Variants in GLIPR1 observed in about 807,000 individuals in gnomAD.
The protein encoded by GLIPR1 is glioma pathogenesis-related protein 1.
GLIPR1 carries 38 observed loss-of-function variants against 30.3 expected under a neutral mutation model. The observed-to-expected ratio is 1.26, with a 90% CI of 0.97 to 1.65. GLIPR1 has a LOEUF of 1.65. GLIPR1 is among the 40% of genes most tolerant of loss of function. The pLI is 0.00. For missense variants in GLIPR1, 285 were observed against 326.5 expected, an observed-to-expected ratio of 0.87 and a Z score of 0.98; for synonymous variants, 122 against 110.6, an observed-to-expected ratio of 1.10 and a Z score of -0.65.
At chr12:75,495,484 A>T in intron 3 of GLIPR1, 93 bp from the exon 4 acceptor site, 1 of 692,588 alleles carries the variant, frequency 1.4e-6, no homozygotes, top group South Asian at 1.6e-5. Flanking sequence ...ACTTCACTCC[A>T]CTATTCTTCT....
At chr12:75,491,568 C>CCATTTTGTTTTAAGTA (rs2046324123) in intron 3 of GLIPR1, 1 of 152,078 alleles carries the variant, frequency 6.6e-6, no homozygotes, top group South Asian at 2.1e-4. Flanking sequence ...GTACATATTG[C>CCATTTTGTTTTAAGTA]CAAATTACAT....
intron 4 of GLIPR1, chr12:75,496,993 A>G (rs991097179): frequency 3.3e-5 from 5 of 152,220 alleles, no homozygotes; most frequent in African/African-American, 1.2e-4. Flanking sequence ...CAAGGTATCA[A>G]TGTATTCACT....
chr12:75,501,490 C>T lies in GLIPR1; in HGVS notation c.*2512C>T. 4.5e-6 allele frequency: 2 copies of T among 446,938 alleles called. No homozygotes were observed. The highest frequency in any genetic ancestry group is 7.9e-6 in the Non-Finnish European group (2 of 251,590). The allele number at this position is 446,938 out of a possible 1,614,324, so 27.7% of individuals were successfully genotyped here. On this transcript the variant is annotated 3_prime_UTR_variant, in exon 6 of 6. Transcript: ENST00000266659. Reference sequence around the variant, plus strand: ...TTCACAACAAAGAGTCTTTTCCAAGCACAGACCAGAGGTCAGGAGAGGACT... The same window carrying T: ...TTCACAACAAAGAGTCTTTTCCAAGTACAGACCAGAGGTCAGGAGAGGACT...
At chr12:75,487,373 T>G (rs2120513557) in intron 2 of GLIPR1, among the ~76,000 whole-genome samples, 1 of 152,324 alleles carries the variant, frequency 6.6e-6, no homozygotes, top group East Asian at 1.9e-4. Context: ...ACAAAACTGA[T>G]TAGAAAGTAG....
chr12:75,488,256 G>T (rs2046302583), intron 2 of GLIPR1, among the ~76,000 whole-genome samples: 1 of 152,168 alleles, frequency 6.6e-6, no homozygotes, highest in Non-Finnish European at 1.5e-5. Context: ...GAGTTGTTAG[G>T]GCCGGGCATG....
rs149257218 is a variant in GLIPR1 at position 75,480,885 on chromosome 12, G to A, written c.5G>A (p.Arg2His). 36 of 1,609,276 alleles carry A rather than the reference G, an allele frequency of 2.2e-5. No individual in the cohort carries two copies. The highest frequency in any genetic ancestry group is 3.3e-5 in the South Asian group (3 of 90,604). The part of the protein sequence containing the change: M[R>H]VTLATIAWMV... ...AGGCTCCATGCCAGACAAAGCATGC[G>A]TGTCACACTTGCTACAATAGCCTGG... is the stretch of plus-strand genomic sequence containing the variant. Residue 2 changes from arginine to histidine, a missense_variant, in exon 1 of 6, where the codon CGT becomes CAT. By Grantham distance (29) the Arg-to-His change is conservative. Transcript: ENST00000266659.
At chr12:75,488,223 T>C (rs1566096690) in intron 2 of GLIPR1, among the ~76,000 whole-genome samples, 1 of 152,188 alleles carries the variant, frequency 6.6e-6, no homozygotes, top group African/African-American at 2.4e-5. Flanking sequence ...CAGCCTCATT[T>C]TACCCAGCCC....
chr12:75,496,404 A>T (rs1043527240), intron 4 of GLIPR1: 6 of 152,114 alleles, frequency 3.9e-5, no homozygotes, highest in African/African-American at 1.4e-4. Context: ...TTTATTAGCC[A>T]GACAGCATTT....
At chr12:75,498,121 G>GAAAGT (rs1046595421) in intron 4 of GLIPR1, 7 of 152,482 alleles carry the variant, frequency 4.6e-5, no homozygotes, top group Admixed American at 1.3e-4. Flanking sequence ...TTTTATAAAA[G>GAAAGT]AAAGTATCCA....
chr12:75,483,383 T>C (rs1190861305), intron 2 of GLIPR1: 2 of 152,306 alleles, frequency 1.3e-5, no homozygotes, highest in East Asian at 3.9e-4. Flanking sequence ...GTGTTTAAGC[T>C]TTTACCCTAT....
chr12:75,499,385 A>G lies in GLIPR1; in HGVS notation c.*407A>G, dbSNP rs1485605980. 1 of 161,034 alleles carries G rather than the reference A, an allele frequency of 6.2e-6. No homozygotes were observed. The highest frequency in any genetic ancestry group is 1.3e-5 in the Non-Finnish European group (1 of 74,700). The allele number at this position is 161,034 out of a possible 1,614,324, so 10.0% of individuals were successfully genotyped here. Reference sequence around the variant, plus strand: ...TGTCTTTTTGGTTTACTACTTCCCCAGATTCAGAACAGAGGAGTAACTAGG... The same window carrying G: ...TGTCTTTTTGGTTTACTACTTCCCCGGATTCAGAACAGAGGAGTAACTAGG... On this transcript the variant is annotated 3_prime_UTR_variant, in exon 6 of 6. Coordinates refer to ENST00000266659, the MANE Select transcript of GLIPR1 (RefSeq NM_006851.3).
At position 75,502,029 on chromosome 12, in the gene GLIPR1, C is replaced by T. The variant is rs1392455448; in HGVS notation, c.*3051C>T. The T allele has an allele frequency of 1.9e-6, 3 of 1,563,556 alleles. No individual in the cohort carries two copies. The highest frequency in any genetic ancestry group is 1.7e-5 in the Admixed American group (1 of 57,514). On this transcript the variant is annotated 3_prime_UTR_variant, in exon 6 of 6. Coordinates refer to ENST00000266659, the MANE Select transcript of GLIPR1 (RefSeq NM_006851.3). ...TTGAAAACGGTATTTACAATTACAT[C>T]AGAAATAATGTAGAGGAGAAGTCAT...
At position 75,501,985 on chromosome 12, in the gene GLIPR1, C is replaced by A; in HGVS notation, c.*3007C>A. 6.2e-7 allele frequency: 1 copy of A among 1,611,448 alleles called. No homozygotes were observed. The highest frequency in any genetic ancestry group is 1.3e-5 in the African/African-American group (1 of 74,886). ...GCCTTCAAAAAGTATTCACCACTAGCCAATTCTTTATCGATCTGTTGAAAA... is the reference window on the plus strand; with the variant it reads ...GCCTTCAAAAAGTATTCACCACTAGACAATTCTTTATCGATCTGTTGAAAA... On this transcript the variant is annotated 3_prime_UTR_variant, in exon 6 of 6. Transcript: ENST00000266659.
At chr12:75,489,140 C>G (rs183236678) in intron 2 of GLIPR1, among the ~76,000 whole-genome samples, 125 of 152,166 alleles carry the variant, frequency 8.2e-4, no homozygotes, top group South Asian at 1.5e-3. Flanking sequence ...TTTGTGGAGC[C>G]CATTGCAAAA....
chr12:75,481,114 C>A, intron 1 of GLIPR1, 60 bp downstream of exon 1: 1 of 1,320,696 alleles, frequency 7.6e-7, no homozygotes, highest in Non-Finnish European at 1.1e-6. Flanking sequence ...TGTGTATTGA[C>A]TTTGGTGTTA....
rs1481761266 is a variant in GLIPR1 at position 75,501,948 on chromosome 12, T to C, written c.*2970T>C. 6.2e-7 allele frequency: 1 copy of C among 1,612,720 alleles called. No individual in the cohort carries two copies. Among genetic ancestry groups the C allele is most frequent in the Admixed American group, 1.7e-5 (1 of 59,920 alleles). ...CTTTATTGCTTCCATTTTCTGCCGC[T>C]TCTTCTGATTTGCCTTCAAAAAGTA... On this transcript the variant is annotated 3_prime_UTR_variant, in exon 6 of 6. Coordinates refer to ENST00000266659, the MANE Select transcript of GLIPR1 (RefSeq NM_006851.3).
At chr12:75,495,754 C>G in intron 4 of GLIPR1, 92 bp downstream of exon 4, 1 of 735,802 alleles carries the variant, frequency 1.4e-6, no homozygotes, top group Non-Finnish European at 2.3e-6. Context: ...TTTATCTTAA[C>G]GGCTATCTTC....
Position 75,499,941 on chromosome 12 carries a change from T to C in GLIPR1, c.*963T>C. On this transcript the variant is annotated 3_prime_UTR_variant, in exon 6 of 6. Coordinates refer to ENST00000266659, the MANE Select transcript of GLIPR1 (RefSeq NM_006851.3). ...TGATGCTGGCCACATCAATTTTAGT[T>C]TCAGTAGAAGCTAGACAAATTAAAA... 1 of 1,600,482 alleles carries C rather than the reference T, an allele frequency of 6.2e-7. No homozygotes were observed. Among genetic ancestry groups the C allele is most frequent in the Non-Finnish European group, 8.5e-7 (1 of 1,175,252 alleles).
intron 4 of GLIPR1, chr12:75,496,007 T>TG (rs1169200093): frequency 2.3e-5 from 3 of 129,106 alleles, no homozygotes; most frequent in Non-Finnish European, 3.4e-5. Flanking sequence ...GTTTTTTTTT[T>TG]TGTTTTTTTT....
Sources: allele counts gnomAD v4.1 joint callset (sites outside exome capture counted in the v4.1 genomes callset), GRCh38; gene constraint gnomAD v4.1.1; transcripts MANE v1.5; gene names NCBI Gene and HGNC (gene_info 2026-07-23, HGNC 2026-07-21).